Variants in MAP1B observed in about 807,000 individuals in gnomAD.
MAP1B encodes the protein microtubule-associated protein 1B.
A neutral mutation model predicts 176.1 loss-of-function variants in MAP1B; 12 were observed. The observed-to-expected ratio is 0.07, with a 90% confidence interval of 0.04 to 0.11. MAP1B has a LOEUF of 0.11. Ranked by LOEUF, MAP1B falls within the 10% of genes least tolerant of loss-of-function variation. MAP1B has a pLI of 1.00. For missense variants in MAP1B, 2,523 were observed against 2,990.5 expected, an observed-to-expected ratio of 0.84 and a Z score of 3.65; for synonymous variants, 1,044 against 1,135.0, an observed-to-expected ratio of 0.92 and a Z score of 1.61.
At chr5:72,157,753 T>C (rs1446713975) in intron 2 of MAP1B, among the ~76,000 whole-genome samples, 1 of 152,222 alleles carries the variant, frequency 6.6e-6, no homozygotes, top group East Asian at 1.9e-4. Flanking sequence ...CTTCCAGTAA[T>C]TGCTTCTGGA....
At chr5:72,181,464 T>C (rs1746764084) in intron 2 of MAP1B, among the ~76,000 whole-genome samples, 2 of 152,236 alleles carry the variant, frequency 1.3e-5, no homozygotes, top group African/African-American at 4.8e-5. Context: ...TAAGTCGCGA[T>C]AAAATATAAC....
At chr5:72,129,298 G>A (rs189732855) in intron 2 of MAP1B, among the ~76,000 whole-genome samples, 2 of 152,322 alleles carry the variant, frequency 1.3e-5, no homozygotes, top group Admixed American at 6.5e-5. Context: ...GCTCACGCCT[G>A]TAATCCCAGC....
intron 2 of MAP1B, among the ~76,000 whole-genome samples, chr5:72,149,521 C>T (rs978879708): frequency 6.6e-6 from 1 of 152,180 alleles, no homozygotes; most frequent in Non-Finnish European, 1.5e-5. Flanking sequence ...TTGAAAAGAT[C>T]ACTAGCTCAT....
In MAP1B at chr5:72,199,213, G is replaced by A. The variant is rs778142697; in HGVS notation, c.5858G>A (p.Gly1953Asp). The change falls in exon 5 of 7, where the codon GGT (glycine) becomes GAT (aspartate). Residue 1953 changes from glycine to aspartate, a missense_variant. Gly to Asp is a moderately conservative substitution (Grantham distance 94). Around this residue, in one of 4 missense-constraint regions of MAP1B, gnomAD observed 1,925 missense variants for 2,126.0 expected, o/e 0.91. Transcript: ENST00000296755. The surrounding 1 kb of genome is among the most constrained non-coding windows in gnomAD (Gnocchi z 4.2). ...AAGACCACACGGACCCCTGAAGAGGGTGGGTACTCATATGACATAAGTGAA... is the reference window on the plus strand; with the variant it reads ...AAGACCACACGGACCCCTGAAGAGGATGGGTACTCATATGACATAAGTGAA... ...IEKTTRTPEE[G>D]GYSYDISEKT... 5.0e-6 allele frequency: 8 copies of A among 1,613,972 alleles called. No individual in the cohort carries two copies. Among genetic ancestry groups the A allele is most frequent in the African/African-American group, 1.3e-5 (1 of 74,910 alleles).
At chr5:72,155,837 T>C (rs1274126226) in intron 2 of MAP1B, among the ~76,000 whole-genome samples, 1 of 149,478 alleles carries the variant, frequency 6.7e-6, no homozygotes, top group African/African-American at 2.5e-5. Context: ...CGCAATCTCA[T>C]CTTAGTGCAA....
Position 72,115,818 on chromosome 5 carries a change from G to A in MAP1B, c.286+19G>A, listed in dbSNP as rs577178281. 14 of 1,560,116 alleles carry A rather than the reference G, an allele frequency of 9.0e-6. No homozygotes were observed. Among genetic ancestry groups the A allele is most frequent in the Non-Finnish European group, 1.2e-5 (14 of 1,131,004 alleles). ...GTCCCAGGTGAGGCTTCCGCTCAGT[G>A]TTGGTCAGCCTAGAATTCCAAAGGA... On this transcript the variant is annotated intron_variant, in intron 2 of 6. Coordinates refer to ENST00000296755, the MANE Select transcript of MAP1B (RefSeq NM_005909.5).
intron 2 of MAP1B, among the ~76,000 whole-genome samples, chr5:72,130,596 T>A (rs554063059): frequency 6.6e-6 from 1 of 152,334 alleles, no homozygotes; most frequent in Non-Finnish European, 1.5e-5. Flanking sequence ...AAGTGTTTAT[T>A]TACAAAAACT....
intron 2 of MAP1B, among the ~76,000 whole-genome samples, chr5:72,182,548 T>C (rs1746793308): frequency 1.3e-5 from 2 of 152,232 alleles, no homozygotes; most frequent in South Asian, 4.1e-4. Context: ...CATACAAGCA[T>C]CTGTTCGGGT....
At chr5:72,139,444 A>G (rs1378778737) in intron 2 of MAP1B, among the ~76,000 whole-genome samples, 2 of 152,282 alleles carry the variant, frequency 1.3e-5, no homozygotes, top group East Asian at 3.9e-4. Flanking sequence ...CTGGATCGTT[A>G]TTCATTTTTG....
chr5:72,130,050 CA>C (rs1182517968), intron 2 of MAP1B, among the ~76,000 whole-genome samples: 1 of 151,842 alleles, frequency 6.6e-6, no homozygotes, highest in Non-Finnish European at 1.5e-5. Context: ...CTTTAGCCAG[CA>C]AATGGATTTT....
chr5:72,114,473 G>A (rs1745398685), intron 1 of MAP1B, among the ~76,000 whole-genome samples: 1 of 152,212 alleles, frequency 6.6e-6, no homozygotes, highest in South Asian at 2.1e-4. Flanking sequence ...ACCTTTAGGA[G>A]GTATGCAATA....
chr5:72,154,884 C>G (rs1746201031), intron 2 of MAP1B, among the ~76,000 whole-genome samples: 1 of 152,178 alleles, frequency 6.6e-6, no homozygotes, highest in African/African-American at 2.4e-5. Flanking sequence ...AACCAGGAAT[C>G]CTTTATCTGG....
Position 72,186,783 on chromosome 5 carries a change from T to C in MAP1B, c.510+29T>C. 1 of 1,612,284 alleles carries C rather than the reference T, an allele frequency of 6.2e-7. No individual in the cohort carries two copies. The highest frequency in any genetic ancestry group is 8.5e-7 in the Non-Finnish European group (1 of 1,179,600). On this transcript the variant is annotated intron_variant, in intron 4 of 6. Coordinates refer to ENST00000296755, the MANE Select transcript of MAP1B (RefSeq NM_005909.5). This position sits in a 1 kb window ranked among gnomAD's most constrained non-coding sequence, Gnocchi z 4.3. Reference sequence around the variant, plus strand: ...GGTTCGTGTCTGAGAATATCTGTGCTTCTAGTGGCTTGGTTGCCTTAGGTT... The same window carrying C: ...GGTTCGTGTCTGAGAATATCTGTGCCTCTAGTGGCTTGGTTGCCTTAGGTT...
intron 2 of MAP1B, among the ~76,000 whole-genome samples, chr5:72,118,418 A>G (rs558237293): frequency 6.6e-6 from 1 of 152,362 alleles, no homozygotes; most frequent in South Asian, 2.1e-4. Context: ...TGTTAAAAAT[A>G]GCACCTACAA....
At chr5:72,176,476 T>C (rs533076744) in intron 2 of MAP1B, among the ~76,000 whole-genome samples, 2 of 152,194 alleles carry the variant, frequency 1.3e-5, no homozygotes, top group South Asian at 4.1e-4. Flanking sequence ...CTTTCGTCCA[T>C]GAAGAGAAGA....
chr5:72,155,836 A>G (rs1017761247), intron 2 of MAP1B, among the ~76,000 whole-genome samples: 2 of 142,152 alleles, frequency 1.4e-5, no homozygotes, highest in African/African-American at 5.2e-5. Context: ...GCGCAATCTC[A>G]TCTTAGTGCA....
rs1165309995 is a variant in MAP1B at position 72,175,294 on chromosome 5, A to G, written c.287-8449A>G. Among the ~76,000 whole-genome samples the G allele has an allele frequency of 3.9e-5, 6 of 152,078 alleles. 1 individual carries two copies. The highest frequency in any genetic ancestry group is 3.9e-4 in the Admixed American group (6 of 15,268). ...TGCCCAGGCTGGTCACTGTATTTAA[A>G]GAGACCTGGAGTTGGCTCACCTGAC... On this transcript the variant is annotated intron_variant, in intron 2 of 6. Coordinates refer to ENST00000296755, the MANE Select transcript of MAP1B (RefSeq NM_005909.5).
At chr5:72,148,178 C>T (rs199865957) in intron 2 of MAP1B, among the ~76,000 whole-genome samples, 1 of 152,206 alleles carries the variant, frequency 6.6e-6, no homozygotes. Context: ...ATCTTTTGCA[C>T]TGCACTTATG....
intron 4 of MAP1B, among the ~76,000 whole-genome samples, chr5:72,189,140 A>G (rs764162054): frequency 5.3e-5 from 8 of 152,254 alleles, no homozygotes; most frequent in African/African-American, 9.6e-5. Flanking sequence ...TTTAAAAAAT[A>G]TAAGAACAGC....
Sources: gnomAD v4.1 joint callset for allele counts (sites outside exome capture counted in the v4.1 genomes callset) on GRCh38, gnomAD v4.1.1 for gene constraint, gnomAD v4.1.1 regional missense constraint, Gnocchi (gnomAD v3.1) non-coding constraint, MANE v1.5 for transcripts, NCBI Gene and HGNC (gene_info 2026-07-23, HGNC 2026-07-21) for gene names.